The following AMZ1 variants were observed in gnomAD, a reference collection of about 807,000 sequenced individuals.
AMZ1 encodes archaelysin family metallopeptidase 1.
AMZ1 carries 39 observed loss-of-function variants against 29.9 expected under a neutral mutation model. That is an observed-to-expected ratio of 1.30 (90% CI 1.01 to 1.70). The LOEUF (loss-of-function observed/expected upper bound fraction) is 1.70, where lower values mean the gene tolerates loss of function less well. AMZ1 is among the 40% of genes most tolerant of loss of function. The pLI, the probability that AMZ1 is intolerant of heterozygous loss-of-function variation, is 0.00. For missense variants in AMZ1, 1,041 were observed against 680.6 expected, an observed-to-expected ratio of 1.53 and a Z score of -5.89; for synonymous variants, 458 against 304.0, an observed-to-expected ratio of 1.51 and a Z score of -5.27.
At chr7:2,712,226 A>C in intron 6 of AMZ1, 104 bp from the exon 7 acceptor site, 1 of 1,253,852 alleles carries the variant, frequency 8.0e-7, no homozygotes, top group Non-Finnish European at 1.1e-6. Flanking sequence ...CCCCTGGGTA[A>C]CTGAGGACGG....
rs1403171504 is a variant in AMZ1 at position 2,691,234 on chromosome 7, G to C, written c.-219+2938G>C. On this transcript the variant is annotated intron_variant, in intron 1 of 6. Coordinates refer to ENST00000683327, the MANE Select transcript of AMZ1 (RefSeq NM_001384743.1). Reference sequence around the variant, plus strand: ...TCTGACCAGGGTTTTCGGGTGGTCAGGTGGGTGTGGGTGCTGGCAGGAAAG... The same window carrying C: ...TCTGACCAGGGTTTTCGGGTGGTCACGTGGGTGTGGGTGCTGGCAGGAAAG... Among the ~76,000 whole-genome samples the C allele has an allele frequency of 2.0e-5, 3 of 148,086 alleles. 1 individual carries two copies. The highest frequency in any genetic ancestry group is 7.9e-5 in the African/African-American group (3 of 37,892).
At chr7:2,708,567 C>T (rs1017843396) in intron 3 of AMZ1, 21 bp from the exon 4 acceptor site, 2 of 1,611,082 alleles carry the variant, frequency 1.2e-6, no homozygotes, top group East Asian at 2.2e-5. Context: ...CTGACCCCAT[C>T]CTCTGGCCCT....
At chr7:2,692,424 C>A (rs960141801) in intron 1 of AMZ1, among the ~76,000 whole-genome samples, 3 of 152,202 alleles carry the variant, frequency 2.0e-5, no homozygotes, top group Non-Finnish European at 4.4e-5. Flanking sequence ...CGCCTTTAGT[C>A]CCAGCTATTC....
chr7:2,750,994 C>T (rs535189264), intron 4 of AMZ1, among the ~76,000 whole-genome samples: 1 of 152,260 alleles, frequency 6.6e-6, no homozygotes, highest in Non-Finnish European at 1.5e-5. Context: ...CAATGTACAT[C>T]AGAAAGTATT....
chr7:2,754,300 A>C (rs1791185308), intron 4 of AMZ1, among the ~76,000 whole-genome samples: 1 of 151,938 alleles, frequency 6.6e-6, no homozygotes, highest in Admixed American at 6.6e-5. Flanking sequence ...AAATCACTTC[A>C]TATGTTTTGT....
intron 4 of AMZ1, among the ~76,000 whole-genome samples, chr7:2,751,074 G>C (rs1040016379): frequency 1.3e-5 from 2 of 152,146 alleles, no homozygotes; most frequent in Non-Finnish European, 1.5e-5. Context: ...GCATTTCGGG[G>C]AGAAATCTGT....
At chr7:2,728,425 A>T (rs1471439232) in intron 4 of AMZ1, 1 of 152,220 alleles carries the variant, frequency 6.6e-6, no homozygotes, top group Non-Finnish European at 1.5e-5. Context: ...AATTCTAGAG[A>T]TCTCTATAAA....
rs141556474 is a variant in AMZ1, at chr7:2,711,579, A to C, written c.949-751A>C. 1.2e-3 allele frequency among the ~76,000 whole-genome samples: 185 copies of C among 152,260 alleles called. 3 individuals are homozygous for C. Among genetic ancestry groups the C allele is most frequent in the African/African-American group, 4.2e-3 (175 of 41,558 alleles). ...AACATTTAGGAAGTGAGTTTCAAGT[A>C]CTGCCTTTGCTTTACATTTTTTTCC... On this transcript the variant is annotated intron_variant, in intron 6 of 6. Coordinates refer to ENST00000683327, the MANE Select transcript of AMZ1 (RefSeq NM_001384743.1).
At chr7:2,707,276 C>CAAA (rs34223369) in intron 3 of AMZ1, among the ~76,000 whole-genome samples, 1 of 144,694 alleles carries the variant, frequency 6.9e-6, no homozygotes, top group African/African-American at 2.6e-5. Flanking sequence ...CACTCCATCT[C>CAAA]AAAAAAAAAA....
At chr7:2,694,278 G>C (rs903718904) in intron 1 of AMZ1, among the ~76,000 whole-genome samples, 1 of 152,206 alleles carries the variant, frequency 6.6e-6, no homozygotes, top group Admixed American at 6.6e-5. Context: ...GCTGGAGCTG[G>C]GACATGTCAT....
At chr7:2,703,416 C>G (rs1254834212) in intron 3 of AMZ1, among the ~76,000 whole-genome samples, 2 of 152,148 alleles carry the variant, frequency 1.3e-5, no homozygotes, top group African/African-American at 4.8e-5. Flanking sequence ...GCTGGGATGA[C>G]AGGCGTGAGT....
chr7:2,704,080 G>A (rs1357036512), intron 3 of AMZ1, among the ~76,000 whole-genome samples: 1 of 152,158 alleles, frequency 6.6e-6, no homozygotes, highest in Non-Finnish European at 1.5e-5. Context: ...TAGTAGAGAC[G>A]GGATTTCACC....
chr7:2,762,695 G>A (rs554278462), upstream of AMZ1: 5 of 1,575,938 alleles, frequency 3.2e-6, no homozygotes, highest in African/African-American at 1.3e-5. Flanking sequence ...CACGCTGCCC[G>A]GGTGGAGGAG....
Position 2,712,577 on chromosome 7 carries a change from G to A in AMZ1, c.1196G>A (p.Gly399Asp), listed in dbSNP as rs113225885. 6.2e-6 allele frequency: 10 copies of A among 1,611,634 alleles called. No individual in the cohort carries two copies. The highest frequency in any genetic ancestry group is 4.5e-5 in the East Asian group (2 of 44,858). ...TCAGAGGCTCCGCTGCCACCTGGGG[G>A]CCCTGCGGAGGCCATCAAGGAGCAT... The part of the protein sequence containing the change: ...AASEAPLPPG[G>D]PAEAIKEHER... Residue 399 changes from glycine to aspartate, a missense_variant, in exon 7 of 7, where the codon GGC (glycine) becomes GAC (aspartate). Gly to Asp is a moderately conservative substitution (Grantham distance 94, BLOSUM62 -1). Coordinates refer to ENST00000683327, the MANE Select transcript of AMZ1 (RefSeq NM_001384743.1).
At chr7:2,683,582 T>C (rs542312479), upstream of AMZ1, among the ~76,000 whole-genome samples, 9 of 152,120 alleles carry the variant, frequency 5.9e-5, no homozygotes, top group South Asian at 1.7e-3. Context: ...GGACTACAGG[T>C]GCCTGCCACC....
chr7:2,763,560 G>A (rs1435908655), upstream of AMZ1, among the ~76,000 whole-genome samples: 1 of 152,238 alleles, frequency 6.6e-6, no homozygotes, highest in Non-Finnish European at 1.5e-5. Flanking sequence ...CAATGGTCCT[G>A]TAATCTAAGG....
At chr7:2,705,324 C>T (rs1788289821) in intron 3 of AMZ1, among the ~76,000 whole-genome samples, 1 of 152,168 alleles carries the variant, frequency 6.6e-6, no homozygotes, top group Non-Finnish European at 1.5e-5. Context: ...AGAAACAGTC[C>T]AGCTTCATCT....
chr7:2,753,015 C>T (rs1029911901), intron 4 of AMZ1, among the ~76,000 whole-genome samples: 1 of 152,212 alleles, frequency 6.6e-6, no homozygotes, highest in Non-Finnish European at 1.5e-5. Flanking sequence ...AGCCATCCTC[C>T]TTCTTCCACC....
chr7:2,687,970 G>A (rs1302153613), upstream of AMZ1, among the ~76,000 whole-genome samples: 1 of 152,178 alleles, frequency 6.6e-6, no homozygotes, highest in Non-Finnish European at 1.5e-5. Context: ...GGCCCGGGCT[G>A]ACTGACCTCC....
Sources: allele counts gnomAD v4.1 joint callset (sites outside exome capture counted in the v4.1 genomes callset), GRCh38; gene constraint gnomAD v4.1.1; transcripts MANE v1.5; gene names NCBI Gene and HGNC (gene_info 2026-07-23, HGNC 2026-07-21).